Variants in NRXN1 observed in about 807,000 individuals in gnomAD.
NRXN1 encodes neurexin 1, also known as neurexin-1.
In NRXN1, 39 loss-of-function variants were observed where a neutral mutation model predicts 150.9. The observed-to-expected ratio is 0.26, with a 90% confidence interval of 0.20 to 0.34. NRXN1 has a LOEUF of 0.34. NRXN1 is among the 10% of genes least tolerant of loss of function. The pLI, the probability that NRXN1 is intolerant of heterozygous loss-of-function variation, is 1.00. For missense variants in NRXN1, 1,815 were observed against 1,949.9 expected (o/e 0.93, Z 1.30); for synonymous variants, 924 against 757.0 (o/e 1.22, Z -3.62).
At chr2:50,819,061 T>C (rs1000100737) in intron 5 of NRXN1, among the ~76,000 whole-genome samples, 1 of 152,122 alleles carries the variant, frequency 6.6e-6, no homozygotes, top group South Asian at 2.1e-4. Flanking sequence ...TTGGAACCCT[T>C]GTGCACTTTT....
At chr2:50,874,527 G>A (rs868861783) in intron 5 of NRXN1, among the ~76,000 whole-genome samples, 10 of 151,596 alleles carry the variant, frequency 6.6e-5, no homozygotes, top group African/African-American at 1.7e-4. Context: ...TTAGCATCAC[G>A]TTTTGAGAAT....
intron 2 of NRXN1, among the ~76,000 whole-genome samples, chr2:50,956,634 G>A (rs1692326962): frequency 6.6e-6 from 1 of 151,992 alleles, no homozygotes; most frequent in Admixed American, 6.6e-5. Context: ...TATAGTGCCA[G>A]CGACTCAGGA....
intron 3 of NRXN1, among the ~76,000 whole-genome samples, chr2:50,925,589 G>C (rs1439627586): frequency 1.3e-5 from 2 of 151,740 alleles, no homozygotes; most frequent in Non-Finnish European, 2.9e-5. Context: ...AATGGAAAAA[G>C]GATCATGCAC....
At chr2:50,711,520 G>C (rs1695157426) in intron 5 of NRXN1, among the ~76,000 whole-genome samples, 1 of 151,756 alleles carries the variant, frequency 6.6e-6, no homozygotes, top group African/African-American at 2.4e-5. Context: ...ATTTTTAGTA[G>C]AGACAGGTTT....
chr2:50,385,740 T>C (rs932242189), intron 17 of NRXN1, among the ~76,000 whole-genome samples: 1 of 152,176 alleles, frequency 6.6e-6, no homozygotes, highest in Non-Finnish European at 1.5e-5. Flanking sequence ...TCCTCATGTA[T>C]TTCCCATACT....
intron 17 of NRXN1, among the ~76,000 whole-genome samples, chr2:50,368,135 T>A (rs1248607151): frequency 6.6e-6 from 1 of 152,016 alleles, no homozygotes; most frequent in Non-Finnish European, 1.5e-5. Flanking sequence ...TAGCTTGTTC[T>A]TTCTTTTGTG....
intron 2 of NRXN1, among the ~76,000 whole-genome samples, chr2:50,988,125 G>C (rs752770324): frequency 5.9e-5 from 9 of 151,958 alleles, no homozygotes; most frequent in Non-Finnish European, 1.2e-4. Context: ...ATAAGGGTCA[G>C]TGATAACTCC....
chr2:50,130,819 A>T (rs547614029), intron 18 of NRXN1, among the ~76,000 whole-genome samples: 1 of 152,322 alleles, frequency 6.6e-6, no homozygotes, highest in South Asian at 2.1e-4. Flanking sequence ...CCTGCTTCAT[A>T]TATCCTCCAG....
chr2:50,090,947 TTATAA>T (rs1362065972), intron 19 of NRXN1, among the ~76,000 whole-genome samples: 5 of 152,132 alleles, frequency 3.3e-5, no homozygotes, highest in African/African-American at 2.4e-5. Flanking sequence ...AAAAAAAGTG[TTATAA>T]TATTCTTTCC....
At chr2:50,884,575 T>G (rs777110189) in intron 5 of NRXN1, among the ~76,000 whole-genome samples, 10 of 151,660 alleles carry the variant, frequency 6.6e-5, no homozygotes, top group Non-Finnish European at 1.2e-4. Flanking sequence ...GGCCCCAGTA[T>G]CCAGCATTGT....
chr2:50,413,355 G>A (rs1335717312), intron 17 of NRXN1, among the ~76,000 whole-genome samples: 1 of 152,058 alleles, frequency 6.6e-6, no homozygotes, highest in East Asian at 1.9e-4. Context: ...ACAGATCATC[G>A]GAGAAATGCC....
chr2:50,838,223 A>C (rs538657371), intron 5 of NRXN1, among the ~76,000 whole-genome samples: 2 of 152,306 alleles, frequency 1.3e-5, no homozygotes, highest in African/African-American at 4.8e-5. Flanking sequence ...AAACTATTAT[A>C]AACAGTGTAA....
intron 5 of NRXN1, among the ~76,000 whole-genome samples, chr2:50,709,673 C>T (rs1211068076): frequency 6.6e-6 from 1 of 152,156 alleles, no homozygotes; most frequent in East Asian, 1.9e-4. Context: ...ATCTGCTTCT[C>T]ATGGCTGGGA....
intron 17 of NRXN1, among the ~76,000 whole-genome samples, chr2:50,256,849 G>T (rs553704023): frequency 6.6e-6 from 1 of 152,144 alleles, no homozygotes; most frequent in East Asian, 1.9e-4. Context: ...CTTGCCTAGT[G>T]ATGACAAAAT....
chr2:50,916,934 A>C (rs1357828607), intron 5 of NRXN1: 2 of 151,770 alleles, frequency 1.3e-5, no homozygotes, highest in Admixed American at 1.3e-4. Context: ...GGTTCTACTC[A>C]GAACTAATGA....
intron 17 of NRXN1, among the ~76,000 whole-genome samples, chr2:50,345,925 G>T (rs1440362320): frequency 1.3e-5 from 2 of 152,186 alleles, no homozygotes; most frequent in African/African-American, 4.8e-5. Context: ...CGGGAGATGG[G>T]TATGTGTAGT....
At chr2:50,441,229 T>A (rs2085923944) in intron 17 of NRXN1, among the ~76,000 whole-genome samples, 2 of 152,178 alleles carry the variant, frequency 1.3e-5, no homozygotes, top group Non-Finnish European at 2.9e-5. Flanking sequence ...TGTAGCCACT[T>A]GTCTTAGGGG....
chr2:50,033,268 CA>C, intron 21 of NRXN1, among the ~76,000 whole-genome samples: 1 of 151,878 alleles, frequency 6.6e-6, no homozygotes, highest in Non-Finnish European at 1.5e-5. Context: ...GGTACTGGTA[CA>C]AAAACAGACA....
At chr2:50,118,692 A>G (rs1008157725) in intron 18 of NRXN1, among the ~76,000 whole-genome samples, 6 of 152,176 alleles carry the variant, frequency 3.9e-5, no homozygotes, top group Non-Finnish European at 2.9e-5. Context: ...GTAATGAACT[A>G]CTGTGGTACT....
Sources: gnomAD v4.1 joint callset for allele counts (sites outside exome capture counted in the v4.1 genomes callset) on GRCh38, gnomAD v4.1.1 for gene constraint, MANE v1.5 for transcripts, NCBI Gene and HGNC (gene_info 2026-07-23, HGNC 2026-07-21) for gene names.